The following CSMD1 variants were observed in gnomAD, a reference collection of about 807,000 sequenced individuals.
CSMD1 encodes CUB and Sushi multiple domains 1, also known as CUB and sushi domain-containing protein 1.
In CSMD1, 213 loss-of-function variants were observed where a neutral mutation model predicts 417.5. That is an observed-to-expected ratio of 0.51 (90% CI 0.46 to 0.57). The LOEUF (loss-of-function observed/expected upper bound fraction) is 0.57. CSMD1 is among the 20% of genes least tolerant of loss of function. The pLI is 0.00. For synonymous variants in CSMD1, 2,862 were observed against 1,736.8 expected (o/e 1.65, Z -16.11); for missense variants, 6,923 against 4,529.7 (o/e 1.53, Z -15.17).
intron 10 of CSMD1, among the ~76,000 whole-genome samples, chr8:3,565,159 AAG>A (rs1554471703): frequency 2.0e-4 from 27 of 138,088 alleles, no homozygotes; most frequent in Non-Finnish European, 2.9e-4. Flanking sequence ...AAAAAAAAAA[AAG>A]AGAGAGATCA....
intron 5 of CSMD1, among the ~76,000 whole-genome samples, chr8:3,907,037 G>A (rs755722496): frequency 2.0e-5 from 3 of 152,074 alleles, no homozygotes; most frequent in Non-Finnish European, 2.9e-5. Context: ...AAAAATGGCT[G>A]GGAGAGCTTA....
intron 11 of CSMD1, among the ~76,000 whole-genome samples, chr8:3,487,580 T>C (rs560266578): frequency 1.3e-5 from 2 of 152,326 alleles, no homozygotes; most frequent in Admixed American, 6.5e-5. Context: ...GTATTCTACA[T>C]CCACCAAAGT....
intron 2 of CSMD1, among the ~76,000 whole-genome samples, chr8:4,509,554 A>T (rs1802707812): frequency 6.6e-6 from 1 of 152,194 alleles, no homozygotes; most frequent in Admixed American, 6.5e-5. Context: ...AATGGAAAGG[A>T]TGCTGGTCAG....
At chr8:4,200,401 T>A (rs1585010414) in intron 3 of CSMD1, among the ~76,000 whole-genome samples, 3 of 152,260 alleles carry the variant, frequency 2.0e-5, no homozygotes, top group East Asian at 3.9e-4. Context: ...AGAAAAAAAT[T>A]AATGAAAATT....
chr8:4,399,041 G>A (rs928629124), intron 3 of CSMD1, among the ~76,000 whole-genome samples: 1 of 152,178 alleles, frequency 6.6e-6, no homozygotes, highest in African/African-American at 2.4e-5. Flanking sequence ...TGAGACAAGT[G>A]TTCTGTAAGA....
rs138078406 is a variant in CSMD1, at chr8:4,701,044, G to A, written c.86-63486C>T. ...GGAGGCAAACTAGTGAACAAAGTAT[G>A]AGTACATAAAACATCTGATAGATGA... On this transcript the variant is annotated intron_variant, in intron 1 of 69. Coordinates refer to ENST00000635120, the MANE Select transcript of CSMD1 (RefSeq NM_033225.6). 2.0e-5 allele frequency among the ~76,000 whole-genome samples: 3 copies of A among 152,280 alleles called. No homozygotes were observed. In the East Asian group the frequency reaches 5.8e-4, roughly 30 times the overall value.
At chr8:4,746,486 T>C (rs1411921329) in intron 1 of CSMD1, among the ~76,000 whole-genome samples, 6 of 152,218 alleles carry the variant, frequency 3.9e-5, no homozygotes, top group Non-Finnish European at 7.3e-5. Flanking sequence ...GAGTGATTCG[T>C]GTCTTTATCA....
intron 3 of CSMD1, among the ~76,000 whole-genome samples, chr8:4,337,517 C>T (rs1398223263): frequency 1.3e-5 from 2 of 152,072 alleles, no homozygotes. Context: ...AATTAATACT[C>T]AGATCGTAAC....
At chr8:3,784,811 G>A (rs1053447500) in intron 5 of CSMD1, among the ~76,000 whole-genome samples, 1 of 152,150 alleles carries the variant, frequency 6.6e-6, no homozygotes, top group South Asian at 2.1e-4. Context: ...TATCACAATT[G>A]CTTGCACCAT....
At chr8:4,007,417 T>C (rs886981839) in intron 4 of CSMD1, among the ~76,000 whole-genome samples, 13 of 152,164 alleles carry the variant, frequency 8.5e-5, no homozygotes, top group Non-Finnish European at 1.8e-4. Flanking sequence ...CCTAAGGCCT[T>C]TGCAATGACC....
At chr8:3,111,724 T>TG (rs906137264) in intron 42 of CSMD1, among the ~76,000 whole-genome samples, 1 of 151,820 alleles carries the variant, frequency 6.6e-6, no homozygotes, top group Middle Eastern at 3.4e-3. Flanking sequence ...CCCAAGTACT[T>TG]GGGGGGTTGA....
intron 7 of CSMD1, among the ~76,000 whole-genome samples, chr8:3,645,246 T>C (rs1056788638): frequency 1.2e-4 from 19 of 152,126 alleles, no homozygotes; most frequent in Admixed American, 1.1e-3. Context: ...AGACCAACCA[T>C]GCAGTAAGTG....
chr8:4,329,747 C>A (rs1799763022), intron 3 of CSMD1, among the ~76,000 whole-genome samples: 1 of 152,088 alleles, frequency 6.6e-6, no homozygotes, highest in African/African-American at 2.4e-5. Flanking sequence ...GGAGCAGATT[C>A]CTCAAGAATG....
At chr8:3,255,771 CT>C (rs1412155633) in intron 26 of CSMD1, among the ~76,000 whole-genome samples, 4 of 152,178 alleles carry the variant, frequency 2.6e-5, no homozygotes, top group Non-Finnish European at 5.9e-5. Context: ...TCTGTCAACA[CT>C]TTCTTTGACT....
At chr8:3,801,709 A>G (rs1019319024) in intron 5 of CSMD1, among the ~76,000 whole-genome samples, 6 of 152,174 alleles carry the variant, frequency 3.9e-5, no homozygotes, top group Non-Finnish European at 8.8e-5. Flanking sequence ...TATCCAAAAT[A>G]TGGAAACAAT....
chr8:3,910,829 C>A (rs970950518), intron 5 of CSMD1, among the ~76,000 whole-genome samples: 1 of 152,086 alleles, frequency 6.6e-6, no homozygotes, highest in Non-Finnish European at 1.5e-5. Flanking sequence ...TGCTACAGGC[C>A]AAATCTCTAT....
chr8:3,382,507 T>TTATATATATATAACTTTATATAAA (rs1810698517), intron 18 of CSMD1, among the ~76,000 whole-genome samples: 1 of 131,610 alleles, frequency 7.6e-6, no homozygotes, highest in African/African-American at 2.8e-5. Flanking sequence ...GTATATAAAT[T>TTATATATATATAACTTTATATAAA]TATATATATA....
At chr8:3,738,489 T>A (rs937478107) in intron 6 of CSMD1, among the ~76,000 whole-genome samples, 1 of 152,168 alleles carries the variant, frequency 6.6e-6, no homozygotes, top group Admixed American at 6.6e-5. Flanking sequence ...TAATTTAAGT[T>A]AGAGTTTTGA....
intron 3 of CSMD1, among the ~76,000 whole-genome samples, chr8:4,362,565 T>A (rs993250742): frequency 6.6e-6 from 1 of 152,220 alleles, no homozygotes; most frequent in South Asian, 2.1e-4. Flanking sequence ...GTGGATAATA[T>A]AGCCCCGTGA....
Sources: gnomAD v4.1 joint callset for allele counts (sites outside exome capture counted in the v4.1 genomes callset) on GRCh38, gnomAD v4.1.1 for gene constraint, MANE v1.5 for transcripts, NCBI Gene and HGNC (gene_info 2026-07-23, HGNC 2026-07-21) for gene names.